FARS2: variants seen among roughly 807,000 people sequenced by gnomAD.
FARS2 encodes the protein phenylalanyl-tRNA synthetase 2, mitochondrial, also known as phenylalanine--tRNA ligase, mitochondrial.
FARS2 carries 40 observed loss-of-function variants against 46.4 expected under a neutral mutation model. The ratio of observed to expected loss-of-function variants is 0.86; its 90% CI spans 0.67 to 1.12. The LOEUF (loss-of-function observed/expected upper bound fraction) is 1.12, where lower values mean the gene tolerates loss of function less well. Ranked by LOEUF, FARS2 falls within the 50% of genes most tolerant of loss-of-function variation. FARS2 has a pLI of 0.00. For missense variants in FARS2, 513 were observed against 567.9 expected (o/e 0.90, Z 0.98); for synonymous variants, 234 against 214.9 (o/e 1.09, Z -0.78).
intron 6 of FARS2, among the ~76,000 whole-genome samples, chr6:5,678,205 CTCCCACG>C (rs772148555): frequency 6.6e-6 from 1 of 152,190 alleles, no homozygotes; most frequent in Non-Finnish European, 1.5e-5. Flanking sequence ...TGTTTCTAGC[CTCCCACG>C]TCCCCTCCCC....
At chr6:5,272,699 T>C (rs1349551407) in intron 1 of FARS2, among the ~76,000 whole-genome samples, 1 of 152,206 alleles carries the variant, frequency 6.6e-6, no homozygotes, top group Non-Finnish European at 1.5e-5. Flanking sequence ...TTTTGAAATA[T>C]GCGATAGATT....
At chr6:5,260,776 C>A, upstream of FARS2, 1 of 1,536,962 alleles carries the variant, frequency 6.5e-7, no homozygotes, top group Non-Finnish European at 8.7e-7. Context: ...TCGCCGAGGT[C>A]CCAAGTACGA....
intron 4 of FARS2, among the ~76,000 whole-genome samples, chr6:5,456,691 A>T (rs1160243462): frequency 8.4e-6 from 1 of 118,714 alleles, no homozygotes; most frequent in Non-Finnish European, 1.6e-5. Flanking sequence ...AGATGGCATT[A>T]TTGCACTCCA....
At chr6:5,348,849 A>G (rs1757401087) in intron 1 of FARS2, among the ~76,000 whole-genome samples, 1 of 152,178 alleles carries the variant, frequency 6.6e-6, no homozygotes, top group Non-Finnish European at 1.5e-5. Flanking sequence ...GATAACATTT[A>G]TAAAAATCCT....
chr6:5,637,424 C>T (rs1316188352), intron 6 of FARS2, among the ~76,000 whole-genome samples: 2 of 152,212 alleles, frequency 1.3e-5, no homozygotes, highest in Non-Finnish European at 2.9e-5. Flanking sequence ...TGCAGCGTTC[C>T]TGGCTGCCTT....
chr6:5,421,705 C>G (rs757346643), intron 3 of FARS2, among the ~76,000 whole-genome samples: 30 of 152,310 alleles, frequency 2.0e-4, no homozygotes, highest in Admixed American at 4.6e-4. Context: ...TGCTGCCAGT[C>G]TCTTTGCTAA....
At chr6:5,432,323 A>ATAT (rs1394200964) in intron 4 of FARS2, among the ~76,000 whole-genome samples, 25 of 39,862 alleles carry the variant, frequency 6.3e-4, no homozygotes, top group East Asian at 1.2e-3. Flanking sequence ...TTAAAAAAAA[A>ATAT]AAAAATATAT....
chr6:5,646,030 C>A (rs1485562157), intron 6 of FARS2, among the ~76,000 whole-genome samples: 1 of 152,070 alleles, frequency 6.6e-6, no homozygotes, highest in African/African-American at 2.4e-5. Flanking sequence ...GGGCATTTTT[C>A]TGTGTAAGTC....
intron 2 of FARS2, among the ~76,000 whole-genome samples, chr6:5,388,166 T>A (rs1208629039): frequency 6.6e-6 from 1 of 152,190 alleles, no homozygotes; most frequent in East Asian, 1.9e-4. Flanking sequence ...AAACCTGAGA[T>A]GAACCAATAA....
rs752460037 is a variant in FARS2 at position 5,368,878 on chromosome 6, G to T, written c.308G>T (p.Gly103Val). The T allele has an allele frequency of 1.2e-5, 20 of 1,614,148 alleles. No individual in the cohort carries two copies. The East Asian group carries it at 3.8e-4, about 31-fold the overall frequency. Reference sequence around the variant, plus strand: ...GAGCACTTCTACAAGCAGTATGTGGGCCGCTTTGGGACCCCGTTGTTCTCG... The same window carrying T: ...GAGCACTTCTACAAGCAGTATGTGGTCCGCTTTGGGACCCCGTTGTTCTCG... The part of the protein sequence containing the change: ...VKEHFYKQYV[G>V]RFGTPLFSVY... Residue 103 changes from glycine (G) to valine (V), a missense_variant, in exon 2 of 7, where the codon GGC becomes GTC. Transcript: ENST00000274680.
chr6:5,584,086 TTCTC>T (rs1234136483), intron 5 of FARS2, among the ~76,000 whole-genome samples: 2 of 90,302 alleles, frequency 2.2e-5, no homozygotes, highest in Non-Finnish European at 4.0e-5. Context: ...CCCCCCGACA[TTCTC>T]TCTCTCTTTC....
At chr6:5,442,420 C>T (rs912664345) in intron 4 of FARS2, among the ~76,000 whole-genome samples, 1 of 151,602 alleles carries the variant, frequency 6.6e-6, no homozygotes, top group African/African-American at 2.4e-5. Flanking sequence ...TATATACACA[C>T]ACACACACAT....
At chr6:5,527,405 C>T (rs942991276) in intron 4 of FARS2, among the ~76,000 whole-genome samples, 1 of 152,228 alleles carries the variant, frequency 6.6e-6, no homozygotes, top group Admixed American at 6.5e-5. Flanking sequence ...GTAGTGAACT[C>T]ACTAAACTCT....
At chr6:5,577,680 T>C (rs1007878959) in intron 5 of FARS2, among the ~76,000 whole-genome samples, 1 of 152,222 alleles carries the variant, frequency 6.6e-6, no homozygotes, top group Middle Eastern at 3.2e-3. Context: ...AGCAAGACTG[T>C]GGAATCTCTG....
intron 6 of FARS2, among the ~76,000 whole-genome samples, chr6:5,719,988 G>A (rs1439095670): frequency 6.6e-6 from 1 of 152,080 alleles, no homozygotes; most frequent in Non-Finnish European, 1.5e-5. Flanking sequence ...GGACACTTGA[G>A]AGTCACTTGT....
At chr6:5,369,637 A>T (rs570080195) in intron 2 of FARS2, among the ~76,000 whole-genome samples, 1 of 152,110 alleles carries the variant, frequency 6.6e-6, no homozygotes, top group South Asian at 2.1e-4. Flanking sequence ...CTGATGATTT[A>T]TTGGCTTGGG....
intron 6 of FARS2, among the ~76,000 whole-genome samples, chr6:5,664,072 G>T (rs760806250): frequency 4.6e-5 from 7 of 152,338 alleles, no homozygotes; most frequent in Admixed American, 1.3e-4. Flanking sequence ...CAGTGAAAGT[G>T]CAATCTGAAC....
chr6:5,349,859 C>A (rs1335979181), intron 1 of FARS2, among the ~76,000 whole-genome samples: 1 of 149,240 alleles, frequency 6.7e-6, no homozygotes, highest in African/African-American at 2.4e-5. Flanking sequence ...ATGTTTTTCT[C>A]ATTTTTAGAC....
intron 6 of FARS2, among the ~76,000 whole-genome samples, chr6:5,738,850 T>A (rs1239246741): frequency 1.3e-5 from 2 of 152,130 alleles, no homozygotes; most frequent in Non-Finnish European, 2.9e-5. Flanking sequence ...TCGTTGTCGG[T>A]TTTTTTCATT....
Sources: gnomAD v4.1 joint callset for allele counts (sites outside exome capture counted in the v4.1 genomes callset) on GRCh38, gnomAD v4.1.1 for gene constraint, MANE v1.5 for transcripts, NCBI Gene and HGNC (gene_info 2026-07-23, HGNC 2026-07-21) for gene names.